Variants in FBN3 observed in about 807,000 individuals in gnomAD.
FBN3 encodes the protein fibrillin 3.
FBN3 carries 234 observed loss-of-function variants against 330.1 expected under a neutral mutation model. That is an observed-to-expected ratio of 0.71 (90% CI 0.64 to 0.79). FBN3 has a LOEUF of 0.79. Among genes scored for constraint, FBN3 ranks in the 30% least tolerant of loss-of-function variants. The pLI is 0.00. For synonymous variants in FBN3, 1,458 were observed against 1,517.3 expected (o/e 0.96, Z 0.91); for missense variants, 3,606 against 3,886.9 (o/e 0.93, Z 1.92).
intron 41 of FBN3, among the ~76,000 whole-genome samples, chr19:8,098,169 A>G (rs2082250169): frequency 1.3e-5 from 2 of 152,192 alleles, no homozygotes; most frequent in South Asian, 4.1e-4. Flanking sequence ...TGTTATATAT[A>G]AACAATCTAA....
Position 8,095,425 on chromosome 19 carries a change from C to T in FBN3, c.5735G>A (p.Cys1912Tyr). 3.7e-6 allele frequency: 6 copies of T among 1,613,718 alleles called. No individual in the cohort carries two copies. The highest frequency in any genetic ancestry group is 1.1e-5 in the South Asian group (1 of 91,070). ...HCLNTAGSFH[C>Y]LCQDGFELTA... ...GAGCTCAAAGCCATCCTGGCAGAGG[C>T]AGTGGAAGGAACCAGCTGTGTTGAG... Residue 1912 changes from cysteine to tyrosine, a missense_variant, in exon 46 of 64, where the codon TGC becomes TAC. By Grantham distance (194) the Cys-to-Tyr change is radical. Transcript: ENST00000600128.
chr19:8,119,324 G>A lies in FBN3; in HGVS notation c.3212-302C>T, dbSNP rs538237295. Among the ~76,000 whole-genome samples the A allele has an allele frequency of 7.2e-5, 11 of 152,218 alleles. No homozygotes were observed. In the South Asian group the frequency reaches 1.7e-3, roughly 23 times the overall value. ...CCTTCCTCCACTCCCTGCAGGACAC[G>A]CCAGAAAGCTGAGGCTCAGTCCCGC... On this transcript the variant is annotated intron_variant, in intron 25 of 63. Transcript: ENST00000600128.
Position 8,129,028 on chromosome 19 carries a change from C to T in FBN3, c.2296G>A (p.Asp766Asn). 1 of 1,612,306 alleles carries T rather than the reference C, an allele frequency of 6.2e-7. No individual in the cohort carries two copies. The highest frequency in any genetic ancestry group is 1.1e-5 in the South Asian group (1 of 90,778). Residue 766 changes from aspartate to asparagine, a missense_variant and splice_region_variant, in exon 18 of 64, where the codon GAT becomes AAT. Coordinates refer to ENST00000600128, the MANE Select transcript of FBN3 (RefSeq NM_032447.5). The surrounding 1 kb of genome is among the most constrained non-coding windows in gnomAD (Gnocchi z 4.5). The stretch of plus-strand genomic sequence containing the variant: ...CCCACGTGAGCCCGGGACCCAGTAC[C>T]TTTGCAGATCTCCGTGTCCTGCCAG... ...HFWQDTEICKDVDECLSSPCV... is the reference protein window; with the variant it reads ...HFWQDTEICKNVDECLSSPCV...
chr19:8,099,343 C>T (rs1304300905), intron 41 of FBN3, among the ~76,000 whole-genome samples: 5 of 142,892 alleles, frequency 3.5e-5, no homozygotes, highest in Non-Finnish European at 6.0e-5. Context: ...TACAGTGGCA[C>T]GATCTCGGCT....
rs747897922 is a variant in FBN3 at position 8,096,832 on chromosome 19, T to C, written c.5413+49A>G. On this transcript the variant is annotated intron_variant, in intron 43 of 63. Transcript: ENST00000600128. This position sits in a 1 kb window ranked among gnomAD's most constrained non-coding sequence, Gnocchi z 4.6. ...GAGCCATACCCCATCTAAGTCCCCA[T>C]GGGTGACAGAGCCCAGCTCCCTCAC... The C allele has an allele frequency of 1.9e-6, 3 of 1,600,186 alleles. No homozygotes were observed. The highest frequency in any genetic ancestry group is 1.7e-5 in the Admixed American group (1 of 59,720).
Position 8,102,730 on chromosome 19 carries a change from T to C in FBN3, c.5083A>G (p.Ile1695Val). Residue 1695 changes from isoleucine (I) to valine (V), a missense_variant, in exon 40 of 64, where the codon ATC (isoleucine) becomes GTC (valine). Transcript: ENST00000600128. ...GTTGGGGAGGGTTACTCACGACTGA[T>C]GGGAGTGGGGCAGGCCTCACAGGGT... ...NRPCEACPTPISPDYQILCGN... is the reference protein window; with the variant it reads ...NRPCEACPTPVSPDYQILCGN... 2 of 1,612,200 alleles carry C rather than the reference T, an allele frequency of 1.2e-6. No homozygotes were observed. Among genetic ancestry groups the C allele is most frequent in the Non-Finnish European group, 1.7e-6 (2 of 1,178,868 alleles).
At position 8,141,703 on chromosome 19, in the gene FBN3, C is replaced by T. The variant is rs765878109; in HGVS notation, c.865+14G>A. ...ACAGAGGAGGTCTCAGGTTGTCCCC[C>T]TCCAGTCACCCACCTTCACATGCGG... On this transcript the variant is annotated intron_variant, in intron 8 of 63. Coordinates refer to ENST00000600128, the MANE Select transcript of FBN3 (RefSeq NM_032447.5). 1.9e-6 allele frequency: 3 copies of T among 1,608,038 alleles called. No homozygotes were observed. In the Admixed American group the frequency reaches 5.0e-5, roughly 27 times the overall value.
intron 13 of FBN3, among the ~76,000 whole-genome samples, chr19:8,134,403 A>T (rs1434556237): frequency 6.6e-6 from 1 of 152,160 alleles, no homozygotes; most frequent in African/African-American, 2.4e-5. Flanking sequence ...GTAATGGAAC[A>T]TTATTCGGCC....
chr19:8,143,992 G>GA (rs529213190), intron 6 of FBN3, among the ~76,000 whole-genome samples: 74 of 151,680 alleles, frequency 4.9e-4, no homozygotes, highest in African/African-American at 1.8e-3. Context: ...TTTTTTTAGA[G>GA]AGGGGGGGTG....
chr19:8,129,264 C>T lies in FBN3; in HGVS notation c.2146G>A (p.Gly716Ser), dbSNP rs868545952. The T allele has an allele frequency of 6.2e-7, 1 of 1,614,154 alleles. No homozygotes were observed. Among genetic ancestry groups the T allele is most frequent in the South Asian group, 1.1e-5 (1 of 91,080 alleles). The change falls in exon 17 of 64, where the codon GGT becomes AGT. Residue 716 changes from glycine to serine, a missense_variant. Physicochemically the swap from Gly to Ser is moderately conservative, Grantham distance 56 (BLOSUM62 0). Transcript: ENST00000600128. This position sits in a 1 kb window ranked among gnomAD's most constrained non-coding sequence, Gnocchi z 4.5. ...RCVCNLGYEAGASGKDCTDVD... is the reference protein window; with the variant it reads ...RCVCNLGYEASASGKDCTDVD... ...CCTGTGCAGTCCTTGCCTGAGGCAC[C>T]TGCCTCATAACCCAGGTTGCAGACA...
intron 10 of FBN3, among the ~76,000 whole-genome samples, chr19:8,137,323 C>G (rs1803755887): frequency 6.8e-6 from 1 of 147,174 alleles, no homozygotes; most frequent in African/African-American, 2.5e-5. Flanking sequence ...AACCTGGGGC[C>G]TTAGATCCCT....
rs770544796 is a variant in FBN3, at chr19:8,090,168, A to G, written c.6115T>C (p.Cys2039Arg). The change falls in exon 49 of 64, where the codon TGC (cysteine) becomes CGC (arginine). Residue 2039 changes from cysteine to arginine, a missense_variant. Coordinates refer to ENST00000600128, the MANE Select transcript of FBN3 (RefSeq NM_032447.5). Reference protein sequence around the residue: ...PKAFNTTKTRCCCSKRPGEGW... With the variant: ...PKAFNTTKTRRCCSKRPGEGW... ...TCCCCAGGCCTCTTACTGCAGCAGC[A>G]GCGGGTCTTGGTGGTGTTGAAAGCT... 12 of 1,613,644 alleles carry G rather than the reference A, an allele frequency of 7.4e-6. No homozygotes were observed. Among genetic ancestry groups the G allele is most frequent in the Admixed American group, 1.7e-5 (1 of 59,968 alleles).
intron 3 of FBN3, 80 bp from the exon 4 acceptor site, chr19:8,146,305 G>T: frequency 8.3e-7 from 1 of 1,205,540 alleles, no homozygotes; most frequent in Non-Finnish European, 1.2e-6. Flanking sequence ...CGGGCTGGCC[G>T]GAACACCTCA....
intron 63 of FBN3, 59 bp from the exon 64 acceptor site, chr19:8,066,319 T>C (rs1466550208): frequency 7.8e-7 from 1 of 1,274,774 alleles, no homozygotes; most frequent in Non-Finnish European, 1.1e-6. Flanking sequence ...GTGGTGTGGG[T>C]AGGGGGTCCT....
chr19:8,147,346 C>A lies in FBN3; in HGVS notation c.135G>T (p.Val45=). 1 of 1,601,496 alleles carries A rather than the reference C, an allele frequency of 6.2e-7. No homozygotes were observed. Among genetic ancestry groups the A allele is most frequent in the Non-Finnish European group, 8.5e-7 (1 of 1,175,894 alleles). Residue 45 remains valine, a synonymous_variant, in exon 2 of 64, where the codon GTG becomes GTT. Coordinates refer to ENST00000600128, the MANE Select transcript of FBN3 (RefSeq NM_032447.5). ...GALEAAGPGR[V]RRRGSPGILQ... is the part of the protein sequence containing the mutation. Reference sequence around the variant, plus strand: ...AGATGCCTGGGCTGCCCCGCCTCCGCACACGTCCAGGACCTGCAGCCTCCA... The same window carrying A: ...AGATGCCTGGGCTGCCCCGCCTCCGAACACGTCCAGGACCTGCAGCCTCCA...
chr19:8,131,527 A>T lies in FBN3; in HGVS notation c.1990+27T>A, dbSNP rs371012479. 35 of 1,582,688 alleles carry T rather than the reference A, an allele frequency of 2.2e-5. No individual in the cohort carries two copies. The highest frequency in any genetic ancestry group is 2.9e-5 in the Non-Finnish European group (34 of 1,161,548). On this transcript the variant is annotated intron_variant, in intron 15 of 63. Coordinates refer to ENST00000600128, the MANE Select transcript of FBN3 (RefSeq NM_032447.5). This position sits in a 1 kb window ranked among gnomAD's most constrained non-coding sequence, Gnocchi z 4.5. ...TGGAGGCATTCAGACCAAGGAGGCGATGGGGACCGGGCAGCCGGATGCTCA... is the reference window on the plus strand; with the variant it reads ...TGGAGGCATTCAGACCAAGGAGGCGTTGGGGACCGGGCAGCCGGATGCTCA...
rs1351643279 is a variant in FBN3 at position 8,117,261 on chromosome 19, C to G, written c.3494G>C (p.Gly1165Ala). 1 of 1,613,964 alleles carries G rather than the reference C, an allele frequency of 6.2e-7. No homozygotes were observed. The highest frequency in any genetic ancestry group is 1.3e-5 in the African/African-American group (1 of 74,996). The change falls in exon 28 of 64, where the codon GGG becomes GCG. Residue 1165 changes from glycine (G) to alanine (A), a missense_variant. Gly to Ala is a moderately conservative substitution (Grantham distance 60). Coordinates refer to ENST00000600128, the MANE Select transcript of FBN3 (RefSeq NM_032447.5). ...AGTGTTAATACAGTGCACGTCACAC[C>G]CACCATTCTGGACCCGGCATTCGTT... The part of the protein sequence containing the change: ...DINECRVQNG[G>A]CDVHCINTEG...
Position 8,065,866 on chromosome 19 carries a change from G to A in FBN3, c.*53C>T. 1 of 1,395,016 alleles carries A rather than the reference G, an allele frequency of 7.2e-7. No individual in the cohort carries two copies. Among genetic ancestry groups the A allele is most frequent in the Non-Finnish European group, 9.8e-7 (1 of 1,022,010 alleles). 86.4% of individuals were successfully genotyped at this position (1,395,016 alleles called of 1,614,324 possible). On this transcript the variant is annotated 3_prime_UTR_variant, in exon 64 of 64. Transcript: ENST00000600128. ...CGCTTCTGGGGATCAGTCCTTCCCA[G>A]TTCCAGAATCCCCCTTCTCTGGACA... is the stretch of plus-strand genomic sequence containing the variant.
chr19:8,070,125 C>A (rs1186908815), intron 63 of FBN3, among the ~76,000 whole-genome samples: 3 of 152,072 alleles, frequency 2.0e-5, no homozygotes, highest in African/African-American at 7.2e-5. Flanking sequence ...TATACATCCA[C>A]AGTTTTTCCT....
Sources: allele counts gnomAD v4.1 joint callset (sites outside exome capture counted in the v4.1 genomes callset), GRCh38; gene constraint gnomAD v4.1.1; non-coding constraint Gnocchi (gnomAD v3.1); transcripts MANE v1.5; gene names NCBI Gene and HGNC (gene_info 2026-07-23, HGNC 2026-07-21).